The following SGCZ variants were observed in gnomAD, a reference collection of about 807,000 sequenced individuals.
SGCZ encodes sarcoglycan zeta, also known as zeta-sarcoglycan.
In SGCZ, 40 loss-of-function variants were observed where a neutral mutation model predicts 41.3. That is an observed-to-expected ratio of 0.97 (90% CI 0.75 to 1.26). The LOEUF (loss-of-function observed/expected upper bound fraction) is 1.26, where lower values mean the gene tolerates loss of function less well. SGCZ is among the 50% of genes most tolerant of loss of function. The pLI, the probability that SGCZ is intolerant of heterozygous loss-of-function variation, is 0.00. For missense variants in SGCZ, 552 were observed against 369.8 expected, an observed-to-expected ratio of 1.49 and a Z score of -4.04; for synonymous variants, 206 against 137.5, an observed-to-expected ratio of 1.50 and a Z score of -3.49.
At chr8:15,152,717 C>T (rs1047109469) in intron 1 of SGCZ, among the ~76,000 whole-genome samples, 8 of 152,148 alleles carry the variant, frequency 5.3e-5, no homozygotes, top group Non-Finnish European at 8.8e-5. Context: ...ATTGAAGTTG[C>T]TCCAGAGTAC....
At chr8:14,124,278 C>G (rs552076819) in intron 5 of SGCZ, among the ~76,000 whole-genome samples, 1 of 152,098 alleles carries the variant, frequency 6.6e-6, no homozygotes, top group Non-Finnish European at 1.5e-5. Context: ...CCTTCACTCC[C>G]TCTTTCTCCT....
chr8:14,981,689 C>G (rs1002947188), intron 1 of SGCZ, among the ~76,000 whole-genome samples: 1 of 152,146 alleles, frequency 6.6e-6, no homozygotes, highest in Non-Finnish European at 1.5e-5. Context: ...ATTCTATGAA[C>G]AGGATGTGTA....
intron 1 of SGCZ, among the ~76,000 whole-genome samples, chr8:14,950,353 T>C (rs1429271335): frequency 1.3e-5 from 2 of 151,958 alleles, no homozygotes; most frequent in African/African-American, 2.4e-5. Context: ...CTTCCTTTTT[T>C]CTTTCTTCCT....
intron 1 of SGCZ, among the ~76,000 whole-genome samples, chr8:14,785,094 CAA>C (rs972701269): frequency 6.7e-6 from 1 of 149,812 alleles, no homozygotes; most frequent in Non-Finnish European, 1.5e-5. Flanking sequence ...ATAAATACTA[CAA>C]AGTCATTGTT....
At chr8:14,866,909 G>T (rs189502965) in intron 1 of SGCZ, among the ~76,000 whole-genome samples, 5 of 152,102 alleles carry the variant, frequency 3.3e-5, no homozygotes, top group Admixed American at 3.3e-4. Context: ...TCAGAATGTT[G>T]CCTTAAAGTT....
intron 1 of SGCZ, among the ~76,000 whole-genome samples, chr8:14,933,387 T>C (rs1467247969): frequency 6.6e-6 from 1 of 151,816 alleles, no homozygotes; most frequent in Non-Finnish European, 1.5e-5. Flanking sequence ...AACCAGAGTA[T>C]TTCAGCACCA....
At chr8:14,198,621 A>G (rs572566952) in intron 4 of SGCZ, among the ~76,000 whole-genome samples, 24 of 152,266 alleles carry the variant, frequency 1.6e-4, no homozygotes, top group African/African-American at 5.3e-4. Flanking sequence ...GAAAAAAAGA[A>G]CTGATCTTTT....
chr8:14,145,528 C>A (rs924249190), intron 5 of SGCZ, among the ~76,000 whole-genome samples: 1 of 152,172 alleles, frequency 6.6e-6, no homozygotes, highest in East Asian at 1.9e-4. Context: ...AATGCCCAGA[C>A]ACCAAAGAAC....
Position 14,921,880 on chromosome 8 carries a change from T to C in SGCZ, c.39+315705A>G, listed in dbSNP as rs138786062. Among the ~76,000 whole-genome samples, 3 of 152,292 alleles carry C rather than the reference T, an allele frequency of 2.0e-5. No individual in the cohort carries two copies. The East Asian group carries it at 5.8e-4, about 29-fold the overall frequency. On this transcript the variant is annotated intron_variant, in intron 1 of 7. Coordinates refer to ENST00000382080, the MANE Select transcript of SGCZ (RefSeq NM_139167.4). ...GAAAGACAAGATAAGAAAATAAAAG[T>C]GAAATGGTGTTAAGCAATTCGTATG...
At chr8:14,485,833 A>ATTTTTTTTTTTTTTTTTTTT (rs71209049) in intron 2 of SGCZ, among the ~76,000 whole-genome samples, 3 of 103,380 alleles carry the variant, frequency 2.9e-5, no homozygotes, top group Non-Finnish European at 5.7e-5. Context: ...CTCTAGAACA[A>ATTTTTTTTTTTTTTTTTTTT]TTTTTTTTTT....
chr8:14,873,239 A>G (rs1804230882), intron 1 of SGCZ, among the ~76,000 whole-genome samples: 1 of 152,184 alleles, frequency 6.6e-6, no homozygotes, highest in Non-Finnish European at 1.5e-5. Context: ...AAATCCTGTG[A>G]AACTATAACT....
intron 1 of SGCZ, among the ~76,000 whole-genome samples, chr8:14,677,540 G>A (rs867287353): frequency 5.3e-5 from 8 of 152,152 alleles, no homozygotes; most frequent in Admixed American, 3.3e-4. Flanking sequence ...AGAGGCTGAG[G>A]TGAGCAGATC....
chr8:14,430,329 T>A (rs1418532262), intron 2 of SGCZ, among the ~76,000 whole-genome samples: 1 of 151,960 alleles, frequency 6.6e-6, no homozygotes, highest in Non-Finnish European at 1.5e-5. Flanking sequence ...CAACAACATA[T>A]CAAAAAGATA....
intron 2 of SGCZ, among the ~76,000 whole-genome samples, chr8:14,368,896 A>T (rs1469784814): frequency 6.6e-6 from 1 of 152,006 alleles, no homozygotes; most frequent in Non-Finnish European, 1.5e-5. Flanking sequence ...AACTATGGGA[A>T]GTCAATATAA....
chr8:14,692,578 G>A (rs772360541), intron 1 of SGCZ, among the ~76,000 whole-genome samples: 3 of 152,164 alleles, frequency 2.0e-5, no homozygotes, highest in East Asian at 1.9e-4. Flanking sequence ...CTGATCCTAG[G>A]TGTCTGTAAA....
At chr8:14,787,630 T>C (rs1253494877) in intron 1 of SGCZ, among the ~76,000 whole-genome samples, 1 of 152,158 alleles carries the variant, frequency 6.6e-6, no homozygotes, top group African/African-American at 2.4e-5. Context: ...GCGGATCACC[T>C]GAGGTTGGGA....
intron 1 of SGCZ, among the ~76,000 whole-genome samples, chr8:15,019,514 T>C (rs1455536515): frequency 1.3e-5 from 2 of 152,116 alleles, no homozygotes; most frequent in Non-Finnish European, 2.9e-5. Flanking sequence ...ACTCACCTGA[T>C]TGATAAATCT....
chr8:14,713,856 T>A (rs1234764271), intron 1 of SGCZ, among the ~76,000 whole-genome samples: 1 of 152,198 alleles, frequency 6.6e-6, no homozygotes, highest in Non-Finnish European at 1.5e-5. Flanking sequence ...CCCTGACTTA[T>A]GATGATTTAC....
rs1352888560 is a variant in SGCZ, at chr8:14,711,382, G to C, written c.40-156456C>G. Reference sequence around the variant, plus strand: ...AGGCTGGCAGATCCCTTGAGATCAGGAGTTCGAGACCAGCCTGGCCAACAT... The same window carrying C: ...AGGCTGGCAGATCCCTTGAGATCAGCAGTTCGAGACCAGCCTGGCCAACAT... On this transcript the variant is annotated intron_variant, in intron 1 of 7. Coordinates refer to ENST00000382080, the MANE Select transcript of SGCZ (RefSeq NM_139167.4). Among the ~76,000 whole-genome samples the C allele has an allele frequency of 2.7e-5, 4 of 147,988 alleles. No individual in the cohort carries two copies. In the East Asian group the frequency reaches 7.9e-4, roughly 29 times the overall value.
Sources: allele counts gnomAD v4.1 joint callset (sites outside exome capture counted in the v4.1 genomes callset), GRCh38; gene constraint gnomAD v4.1.1; transcripts MANE v1.5; gene names NCBI Gene and HGNC (gene_info 2026-07-23, HGNC 2026-07-21).